CTNND2: variants seen among roughly 807,000 people sequenced by gnomAD.
CTNND2 encodes catenin delta-2.
Under a neutral mutation model 144.4 loss-of-function variants are expected in CTNND2, and 22 were observed. That is an observed-to-expected ratio of 0.15 (90% CI 0.11 to 0.22). The LOEUF is 0.22. Ranked by LOEUF, CTNND2 falls within the 10% of genes least tolerant of loss-of-function variation. CTNND2 has a pLI of 1.00. For missense variants in CTNND2, 1,353 were observed against 1,618.8 expected, an observed-to-expected ratio of 0.84 and a Z score of 2.82; for synonymous variants, 751 against 695.6, an observed-to-expected ratio of 1.08 and a Z score of -1.25.
At chr5:11,006,213 A>C (rs950266741) in intron 18 of CTNND2, among the ~76,000 whole-genome samples, 1 of 152,214 alleles carries the variant, frequency 6.6e-6, no homozygotes, top group African/African-American at 2.4e-5. Flanking sequence ...GAATAGTGAC[A>C]AAGCAGCCAG....
intron 12 of CTNND2, among the ~76,000 whole-genome samples, chr5:11,139,886 C>T (rs1388856245): frequency 1.3e-5 from 2 of 152,172 alleles, no homozygotes; most frequent in African/African-American, 2.4e-5. Context: ...CCCTGCCTTT[C>T]CCAGCTTCTA....
intron 9 of CTNND2, among the ~76,000 whole-genome samples, chr5:11,244,071 G>A (rs1742731508): frequency 6.6e-6 from 1 of 152,136 alleles, no homozygotes; most frequent in Admixed American, 6.5e-5. Flanking sequence ...AGGTGATTTT[G>A]TTTTTCATTT....
chr5:11,047,501 TAA>T (rs1745385669), intron 16 of CTNND2, among the ~76,000 whole-genome samples: 1 of 152,186 alleles, frequency 6.6e-6, no homozygotes, highest in South Asian at 2.1e-4. Flanking sequence ...TTTAGGGGTA[TAA>T]AGAGTATGGC....
At chr5:11,898,402 AGAAAG>A (rs1295847439) in intron 1 of CTNND2, among the ~76,000 whole-genome samples, 1 of 152,246 alleles carries the variant, frequency 6.6e-6, no homozygotes, top group African/African-American at 2.4e-5. Flanking sequence ...CTAAACCAAA[AGAAAG>A]AACTGCATAA....
chr5:11,471,510 C>A (rs543995308), intron 3 of CTNND2, among the ~76,000 whole-genome samples: 1 of 152,242 alleles, frequency 6.6e-6, no homozygotes, highest in African/African-American at 2.4e-5. Context: ...ATCAACGTTT[C>A]TAAATAACAA....
chr5:11,400,034 A>G (rs1760492764), intron 5 of CTNND2, among the ~76,000 whole-genome samples: 2 of 152,258 alleles, frequency 1.3e-5, no homozygotes, highest in South Asian at 4.1e-4. Flanking sequence ...AATTAGCTTT[A>G]TTAATATTAC....
chr5:11,117,515 C>T lies in CTNND2; in HGVS notation c.2212G>A (p.Gly738Arg), dbSNP rs756464829. 1.2e-6 allele frequency: 2 copies of T among 1,614,142 alleles called. No individual in the cohort carries two copies. Among genetic ancestry groups the T allele is most frequent in the Non-Finnish European group, 1.7e-6 (2 of 1,180,032 alleles). The change falls in exon 13 of 22, where the codon GGG (glycine) becomes AGG (arginine). Residue 738 changes from glycine (G) to arginine (R), a missense_variant. Gly to Arg is a moderately radical substitution (Grantham distance 125). Around this residue, in one of 4 missense-constraint regions of CTNND2, gnomAD observed 459 missense variants for 674.3 expected, o/e 0.68. Coordinates refer to ENST00000304623, the MANE Select transcript of CTNND2 (RefSeq NM_001332.4). The part of the protein sequence containing the change: ...EARRRMRECD[G>R]LTDALLYVIQ... ...ACGTACAGCAAGGCATCCGTAAGCC[C>T]ATCACACTCTCTCATCCTTCTGCGG...
intron 9 of CTNND2, among the ~76,000 whole-genome samples, chr5:11,304,399 T>TAC (rs1394204942): frequency 4.6e-5 from 7 of 150,860 alleles, no homozygotes; most frequent in East Asian, 2.0e-4. Context: ...CACACACACT[T>TAC]ACACACACAC....
At chr5:11,364,623 G>T (rs1188011676) in intron 8 of CTNND2, 73 bp downstream of exon 8, 3 of 1,224,036 alleles carry the variant, frequency 2.5e-6, no homozygotes, top group East Asian at 2.7e-5. Flanking sequence ...TTTCATTTGG[G>T]AGTGTTATTG....
intron 3 of CTNND2, among the ~76,000 whole-genome samples, chr5:11,561,085 A>G (rs1424777686): frequency 6.6e-6 from 1 of 152,186 alleles, no homozygotes; most frequent in Non-Finnish European, 1.5e-5. Context: ...TGACAGGCCT[A>G]CAGCCTCAGG....
chr5:11,517,608 C>T (rs1737528705), intron 3 of CTNND2, among the ~76,000 whole-genome samples: 2 of 151,756 alleles, frequency 1.3e-5, no homozygotes, highest in South Asian at 4.2e-4. Context: ...ACATCACACA[C>T]CGGGGCCTCT....
chr5:11,226,191 G>A (rs1041998948), intron 10 of CTNND2, among the ~76,000 whole-genome samples: 2 of 152,202 alleles, frequency 1.3e-5, no homozygotes, highest in Non-Finnish European at 2.9e-5. Context: ...GCCCTTGGAA[G>A]CAAGCACAAA....
intron 10 of CTNND2, among the ~76,000 whole-genome samples, chr5:11,229,682 AAC>A (rs1158186187): frequency 6.6e-6 from 1 of 150,876 alleles, no homozygotes; most frequent in Non-Finnish European, 1.5e-5. Context: ...GTATATATAT[AAC>A]TGTGTATATA....
At chr5:11,191,551 A>G (rs1297625585) in intron 11 of CTNND2, among the ~76,000 whole-genome samples, 5 of 152,178 alleles carry the variant, frequency 3.3e-5, no homozygotes, top group Non-Finnish European at 5.9e-5. Context: ...TTGCAGGTTG[A>G]GACTGTCCAT....
At chr5:11,404,834 T>C (rs1011299802) in intron 5 of CTNND2, among the ~76,000 whole-genome samples, 2 of 152,042 alleles carry the variant, frequency 1.3e-5, no homozygotes, top group Non-Finnish European at 2.9e-5. Flanking sequence ...GGTCTCAAAC[T>C]ACTGACCTCA....
intron 1 of CTNND2, among the ~76,000 whole-genome samples, chr5:11,791,349 C>T (rs554395366): frequency 2.4e-4 from 36 of 152,152 alleles, no homozygotes; most frequent in African/African-American, 8.2e-4. Flanking sequence ...GTCAAGCAAA[C>T]CAAGAGGAAG....
intron 2 of CTNND2, among the ~76,000 whole-genome samples, chr5:11,663,183 G>T (rs888047984): frequency 6.6e-6 from 1 of 152,048 alleles, no homozygotes; most frequent in African/African-American, 2.4e-5. Context: ...AAGTGGTCGT[G>T]GCATCATAAA....
intron 9 of CTNND2, among the ~76,000 whole-genome samples, chr5:11,306,532 A>T (rs1378750854): frequency 2.6e-5 from 4 of 152,200 alleles, no homozygotes; most frequent in Non-Finnish European, 5.9e-5. Flanking sequence ...AAATCATCTT[A>T]TCATCCATTC....
chr5:11,890,776 G>C (rs1582075594), intron 1 of CTNND2, among the ~76,000 whole-genome samples: 1 of 152,202 alleles, frequency 6.6e-6, no homozygotes, highest in East Asian at 1.9e-4. Context: ...AGATAAAACA[G>C]GGTAACTGTT....
Sources: gnomAD v4.1 joint callset for allele counts (sites outside exome capture counted in the v4.1 genomes callset) on GRCh38, gnomAD v4.1.1 for gene constraint, gnomAD v4.1.1 regional missense constraint, MANE v1.5 for transcripts, NCBI Gene and HGNC (gene_info 2026-07-23, HGNC 2026-07-21) for gene names.